The following SLC25A30 variants were observed in gnomAD, a reference collection of about 807,000 sequenced individuals.
SLC25A30 encodes solute carrier family 25 member 30, also known as kidney mitochondrial carrier protein 1.
Under a neutral mutation model 42.7 loss-of-function variants are expected in SLC25A30, and 29 were observed. The ratio of observed to expected loss-of-function variants is 0.68; its 90% CI spans 0.51 to 0.93. SLC25A30 has a LOEUF of 0.93. SLC25A30 is among the 40% of genes least tolerant of loss of function. The pLI, the probability that SLC25A30 is intolerant of heterozygous loss-of-function variation, is 0.00. For missense variants in SLC25A30, 300 were observed against 359.7 expected (o/e 0.83, Z 1.34); for synonymous variants, 124 against 131.0 (o/e 0.95, Z 0.37).
intron 4 of SLC25A30, 129 bp from the exon 5 acceptor site, chr13:45,404,541 G>A (rs535365514): frequency 3.3e-5 from 22 of 670,080 alleles, no homozygotes; most frequent in East Asian, 5.5e-5. Flanking sequence ...GCTTCAGGCC[G>A]GGCATGGTAG....
Position 45,393,917 on chromosome 13 carries a change from A to G in SLC25A30, c.*2057T>C, listed in dbSNP as rs1043642927. 4.1e-6 allele frequency: 4 copies of G among 985,284 alleles called. No homozygotes were observed. The highest frequency in any genetic ancestry group is 3.6e-6 in the Non-Finnish European group (3 of 829,912). 61.0% of individuals were successfully genotyped at this position (985,284 alleles called of 1,614,324 possible). On this transcript the variant is annotated 3_prime_UTR_variant, in exon 10 of 10. Coordinates refer to ENST00000519676, the MANE Select transcript of SLC25A30 (RefSeq NM_001010875.4). The stretch of plus-strand genomic sequence containing the variant: ...ATACTGTCTGACATTCGCTCTTTAC[A>G]TGGTCATTAAAATGAATTTGCTTCT...
chr13:45,424,839 A>AATATAT, the SLC25A30 span, among the ~76,000 whole-genome samples: 82 of 46,150 alleles, frequency 1.8e-3, 4 homozygotes, highest in African/African-American at 7.6e-3. Context: ...TATATATATA[A>AATATAT]AAATATATAT....
chr13:45,420,543 C>T (rs150517855), upstream of SLC25A30, among the ~76,000 whole-genome samples: 7 of 152,278 alleles, frequency 4.6e-5, no homozygotes, highest in East Asian at 1.4e-3. Context: ...ATACAAAGCA[C>T]TGGATTCCTC....
chr13:45,421,379 CAAAAAAAA>C (rs368665089), upstream of SLC25A30, among the ~76,000 whole-genome samples: 5 of 83,358 alleles, frequency 6.0e-5, no homozygotes, highest in African/African-American at 9.8e-5. Context: ...ACTCCATCTC[CAAAAAAAA>C]AAAAAAAAAA....
Position 45,395,238 on chromosome 13 carries a change from T to C in SLC25A30, c.*736A>G, listed in dbSNP as rs1881220082. 1.0e-6 allele frequency: 1 copy of C among 985,390 alleles called. No homozygotes were observed. The highest frequency in any genetic ancestry group is 1.7e-5 in the African/African-American group (1 of 57,238). The allele number at this position is 985,390 out of a possible 1,614,324, so 61.0% of individuals were successfully genotyped here. A position where few individuals can be genotyped will look rare whatever the true frequency, so the allele number is the denominator to read the frequency against. On this transcript the variant is annotated 3_prime_UTR_variant, in exon 10 of 10. Coordinates refer to ENST00000519676, the MANE Select transcript of SLC25A30 (RefSeq NM_001010875.4). Reference sequence around the variant, plus strand: ...CATAAAGCTAATTACTAACATGACCTAAGACAGAACCTAAGCTGCTTGAAA... The same window carrying C: ...CATAAAGCTAATTACTAACATGACCCAAGACAGAACCTAAGCTGCTTGAAA...
intron 1 of SLC25A30, among the ~76,000 whole-genome samples, chr13:45,412,127 G>GA: frequency 6.8e-6 from 1 of 147,242 alleles, no homozygotes; most frequent in East Asian, 2.0e-4. Context: ...TTCTTTTTTT[G>GA]TTTTTTTTTT....
At chr13:45,429,657 C>A in the SLC25A30 span, among the ~76,000 whole-genome samples, 1 of 151,282 alleles carries the variant, frequency 6.6e-6, no homozygotes, top group African/African-American at 2.4e-5. Flanking sequence ...ATGGAGAGAC[C>A]CTGTCTCTAC....
the SLC25A30 span, among the ~76,000 whole-genome samples, chr13:45,423,968 C>CATATATAAATATCTATAAAT: frequency 2.6e-5 from 2 of 77,636 alleles, no homozygotes; most frequent in Non-Finnish European, 4.3e-5. Context: ...TATATATAAA[C>CATATATAAATATCTATAAAT]ATATAACAAT....
chr13:45,399,945 T>C (rs1432655277), intron 7 of SLC25A30, among the ~76,000 whole-genome samples: 2 of 150,160 alleles, frequency 1.3e-5, no homozygotes, highest in South Asian at 2.1e-4. Context: ...TAGATGTCAG[T>C]AGTATTCCCC....
chr13:45,402,916 A>C (rs951188455), intron 5 of SLC25A30: 1 of 512,290 alleles, frequency 2.0e-6, no homozygotes, highest in African/African-American at 2.1e-5. Context: ...AGTGGAATCC[A>C]CATGACCAAG....
the SLC25A30 span, among the ~76,000 whole-genome samples, chr13:45,430,858 C>T: frequency 1.3e-5 from 2 of 151,974 alleles, no homozygotes; most frequent in African/African-American, 4.8e-5. Context: ...AGAAATATGC[C>T]TTAATGTTTC....
At chr13:45,402,193 TAA>T in intron 6 of SLC25A30, 80 bp downstream of exon 6, 1 of 1,075,578 alleles carries the variant, frequency 9.3e-7, no homozygotes, top group Non-Finnish European at 1.4e-6. Context: ...ACACTTGGAT[TAA>T]AATTAAGTGA....
At chr13:45,420,810 C>T (rs1883872808), upstream of SLC25A30, among the ~76,000 whole-genome samples, 1 of 152,136 alleles carries the variant, frequency 6.6e-6, no homozygotes, top group African/African-American at 2.4e-5. Flanking sequence ...AAGCAATCCT[C>T]CTGCCTCGGC....
At chr13:45,406,755 C>T (rs1882548649) in intron 3 of SLC25A30, among the ~76,000 whole-genome samples, 1 of 152,180 alleles carries the variant, frequency 6.6e-6, no homozygotes, top group South Asian at 2.1e-4. Context: ...TGTATAAGCT[C>T]TTTGCAGTGT....
the SLC25A30 span, among the ~76,000 whole-genome samples, chr13:45,432,721 ACAAT>A: frequency 2.0e-5 from 3 of 151,796 alleles, no homozygotes; most frequent in South Asian, 6.2e-4. Flanking sequence ...AAAAAAAAAA[ACAAT>A]CAATTCAGCA....
At chr13:45,398,815 C>T in intron 8 of SLC25A30, 125 bp downstream of exon 8, 1 of 1,026,038 alleles carries the variant, frequency 9.7e-7, no homozygotes, top group Non-Finnish European at 1.4e-6. Context: ...TGGTCTCACA[C>T]ATGTACATCT....
In SLC25A30 at chr13:45,398,968, T is replaced by C. The variant is rs751648650; in HGVS notation, c.725A>G (p.Tyr242Cys). The stretch of plus-strand genomic sequence containing the variant: ...TAACAAGCAATCCAGGGTTCCTGTG[T>C]AGCCAGAACATCTGCCATCTCGAAG... The part of the protein sequence containing the change: ...RVLRDGRCSG[Y>C]TGTLDCLLQT... The change falls in exon 8 of 10, where the codon TAC becomes TGC. Residue 242 changes from tyrosine to cysteine, a missense_variant. Transcript: ENST00000519676. 9.9e-6 allele frequency: 16 copies of C among 1,614,076 alleles called. No homozygotes were observed. The Admixed American group carries it at 1.3e-4, about 13-fold the overall frequency.
chr13:45,423,606 AAT>A, the SLC25A30 span, among the ~76,000 whole-genome samples: 7 of 99,624 alleles, frequency 7.0e-5, 1 homozygote, highest in Non-Finnish European at 1.1e-4. Flanking sequence ...TATATATATA[AAT>A]ATATATAAAA....
At chr13:45,419,153 A>G (rs1315004865), upstream of SLC25A30, among the ~76,000 whole-genome samples, 1 of 145,228 alleles carries the variant, frequency 6.9e-6, no homozygotes, top group Non-Finnish European at 1.5e-5. Context: ...AAAAAAAAAG[A>G]AAGAAAATGT....
Sources: gnomAD v4.1 joint callset for allele counts (sites outside exome capture counted in the v4.1 genomes callset) on GRCh38, gnomAD v4.1.1 for gene constraint, MANE v1.5 for transcripts, NCBI Gene and HGNC (gene_info 2026-07-23, HGNC 2026-07-21) for gene names.